Variants in CFAP410 observed in about 807,000 individuals in gnomAD.
CFAP410 encodes cilia and flagella associated protein 410, also known as cilia- and flagella-associated protein 410.
CFAP410 carries 27 observed loss-of-function variants against 25.7 expected under a neutral mutation model. The ratio of observed to expected loss-of-function variants is 1.05; its 90% CI spans 0.77 to 1.45. The LOEUF is 1.45. Ranked by LOEUF, CFAP410 falls within the 40% of genes most tolerant of loss-of-function variation. The pLI, the probability that CFAP410 is intolerant of heterozygous loss-of-function variation, is 0.00. For synonymous variants in CFAP410, 178 were observed against 158.4 expected (o/e 1.12, Z -0.93); for missense variants, 428 against 354.1 (o/e 1.21, Z -1.67).
intron 3 of CFAP410, 79 bp from the exon 4 acceptor site, chr21:44,333,341 A>C: frequency 1.7e-6 from 2 of 1,144,992 alleles, no homozygotes; most frequent in Non-Finnish European, 1.3e-6. Flanking sequence ...CCCCCAGTAA[A>C]AGGCACTCAT....
chr21:44,331,484 G>A, intron 5 of CFAP410: 1 of 313,126 alleles, frequency 3.2e-6, no homozygotes, highest in Non-Finnish European at 6.0e-6. Context: ...TGATGGCCGT[G>A]CCCACAAACC....
At chr21:44,337,763 A>C in intron 1 of CFAP410, 96 bp from the exon 2 acceptor site, 1 of 980,572 alleles carries the variant, frequency 1.0e-6, no homozygotes, top group Non-Finnish European at 1.6e-6. Context: ...CTCCCTACAA[A>C]CCTTAAGATT....
intron 3 of CFAP410, chr21:44,333,762 C>T (rs1357538805): frequency 6.4e-6 from 2 of 312,314 alleles, no homozygotes; most frequent in Non-Finnish European, 6.3e-6. Context: ...AGAACGTGGA[C>T]GCGTCAGAGA....
At chr21:44,334,225 T>C in intron 3 of CFAP410, 1 of 456,298 alleles carries the variant, frequency 2.2e-6, no homozygotes, top group Non-Finnish European at 4.4e-6. Flanking sequence ...TCAACACCCC[T>C]GGGGTCCTGT....
chr21:44,332,058 C>T (rs763115707), intron 4 of CFAP410, 44 bp from the exon 5 acceptor site: 25 of 1,519,184 alleles, frequency 1.6e-5, no homozygotes, highest in Middle Eastern at 1.7e-4. Flanking sequence ...GCCTCACCCA[C>T]GTGCAGGCCA....
intron 4 of CFAP410, 199 bp from the exon 5 acceptor site, chr21:44,332,213 C>G (rs897390845): frequency 5.7e-6 from 3 of 530,840 alleles, no homozygotes; most frequent in Non-Finnish European, 6.6e-6. Flanking sequence ...CAGGCTGACA[C>G]ACAACAGATG....
chr21:44,336,598 G>A (rs1351907982), intron 2 of CFAP410, among the ~76,000 whole-genome samples: 1 of 152,206 alleles, frequency 6.6e-6, no homozygotes, highest in Non-Finnish European at 1.5e-5. Flanking sequence ...GCAGCTCACA[G>A]CCTGGTCAGA....
rs1478238734 is a variant in CFAP410 at position 44,333,140 on chromosome 21, A to G, written c.266T>C (p.Leu89Pro). 1.2e-6 allele frequency: 2 copies of G among 1,612,270 alleles called. No homozygotes were observed. Among genetic ancestry groups the G allele is most frequent in the Non-Finnish European group, 1.7e-6 (2 of 1,179,706 alleles). The part of the protein sequence containing the change: ...ELFYLKGLPR[L>P]RVLWLAENPC... ...GTTCTCGGCCAGCCACAGCACCCGC[A>G]GACGCGGCAGCCCCTTCAGGTAGAA... The change falls in exon 4 of 7, where the codon CTG (leucine) becomes CCG (proline). Residue 89 changes from leucine (L) to proline (P), a missense_variant. By Grantham distance (98) the Leu-to-Pro change is moderately conservative. Transcript: ENST00000339818.
chr21:44,338,009 T>C (rs2047786458), intron 1 of CFAP410, among the ~76,000 whole-genome samples: 1 of 152,198 alleles, frequency 6.6e-6, no homozygotes, highest in South Asian at 2.1e-4. Flanking sequence ...AACAAGGGCG[T>C]CTTTATAAGA....
chr21:44,339,071 G>T (rs182132626), intron 1 of CFAP410, 47 bp downstream of exon 1: 21,920 of 1,128,258 alleles, frequency 0.019, 500 homozygotes, highest in Non-Finnish European at 0.023. Flanking sequence ...GCCCCGCCCC[G>T]GCTCCTCCCC....
chr21:44,334,124 A>T (rs1014539866), intron 3 of CFAP410: 6 of 456,148 alleles, frequency 1.3e-5, no homozygotes, highest in Non-Finnish European at 1.8e-5. Flanking sequence ...CACAGGCAGC[A>T]GCGTGATGTA....
chr21:44,331,108 C>G, intron 5 of CFAP410, 189 bp from the exon 6 acceptor site: 1 of 612,220 alleles, frequency 1.6e-6, no homozygotes, highest in South Asian at 2.1e-5. Flanking sequence ...TCCTGGAGAG[C>G]CCGGCACTTA....
intron 3 of CFAP410, chr21:44,333,911 T>G (rs932793084): frequency 2.8e-6 from 1 of 359,546 alleles, no homozygotes; most frequent in South Asian, 2.1e-5. Context: ...CCTGGAGGGC[T>G]GCACTCGCGT....
chr21:44,337,598 G>C, intron 2 of CFAP410, 51 bp downstream of exon 2: 1 of 1,559,446 alleles, frequency 6.4e-7, no homozygotes, highest in South Asian at 1.2e-5. Flanking sequence ...TTGGGTTGAG[G>C]CTATTTGGAG....
Position 44,330,126 on chromosome 21 carries a change from C to G in CFAP410, c.*72G>C. On this transcript the variant is annotated 3_prime_UTR_variant, in exon 7 of 7. Coordinates refer to ENST00000339818, the MANE Select transcript of CFAP410 (RefSeq NM_004928.3). ...CCGGGGCTGCGGCCATGGCAGCCAC[C>G]CTCCAGCTCCCGGGGGCTGGGGAAG... 6.7e-7 allele frequency: 1 copy of G among 1,487,018 alleles called. No homozygotes were observed. The highest frequency in any genetic ancestry group is 2.5e-5 in the East Asian group (1 of 40,312). The allele number at this position is 1,487,018 out of a possible 1,614,324, so 92.1% of individuals were successfully genotyped here.
rs1246957968 is a variant in CFAP410 at position 44,333,184 on chromosome 21, G to T, written c.222C>A (p.Ile74=). 6.2e-7 allele frequency: 1 copy of T among 1,612,952 alleles called. No homozygotes were observed. ...GGTAGAAGAGCTCAGCCAGGCTGGG[G>T]ATGCGGTTCCTCCGCAGGTACAGCT... The part of the protein sequence containing the change: ...LSELYLRRNR[I]PSLAELFYLK... Residue 74 remains isoleucine, a synonymous_variant, in exon 4 of 7, where the codon ATC becomes ATA. Transcript: ENST00000339818.
intron 5 of CFAP410, chr21:44,331,211 AAC>A (rs959601676): frequency 5.9e-6 from 3 of 507,606 alleles, no homozygotes; most frequent in Non-Finnish European, 1.1e-5. Context: ...GGGGCACCCG[AAC>A]ACACAAATGC....
chr21:44,339,087 C>T (rs1183003936), intron 1 of CFAP410, 31 bp downstream of exon 1: 1 of 1,357,410 alleles, frequency 7.4e-7, no homozygotes, highest in Non-Finnish European at 9.7e-7. Flanking sequence ...TCCCCCCACC[C>T]CGGGGCGGCC....
At chr21:44,335,414 C>T in intron 3 of CFAP410, 1 of 331,882 alleles carries the variant, frequency 3.0e-6, no homozygotes, top group Non-Finnish European at 5.6e-6. Flanking sequence ...CCAGGGCGGG[C>T]CACCGTGAAT....
Sources: allele counts gnomAD v4.1 joint callset (sites outside exome capture counted in the v4.1 genomes callset), GRCh38; gene constraint gnomAD v4.1.1; transcripts MANE v1.5; gene names NCBI Gene and HGNC (gene_info 2026-07-23, HGNC 2026-07-21).